The following FAR1 variants were observed in gnomAD, a reference collection of about 807,000 sequenced individuals.
FAR1 encodes the protein fatty acyl-CoA reductase 1.
In FAR1, 22 loss-of-function variants were observed where a neutral mutation model predicts 61.1. That is an observed-to-expected ratio of 0.36 (90% CI 0.26 to 0.51). The LOEUF (loss-of-function observed/expected upper bound fraction) is 0.51. Among genes scored for constraint, FAR1 ranks in the 20% least tolerant of loss-of-function variants. The pLI is 0.95. For synonymous variants in FAR1, 206 were observed against 209.7 expected (o/e 0.98, Z 0.15); for missense variants, 359 against 626.9 (o/e 0.57, Z 4.56).
At chr11:13,707,649 T>C (rs1254824550) in intron 3 of FAR1, among the ~76,000 whole-genome samples, 1 of 152,176 alleles carries the variant, frequency 6.6e-6, no homozygotes, top group Non-Finnish European at 1.5e-5. Context: ...TCCTGGACAA[T>C]TATATAATTT....
At chr11:13,681,958 G>T (rs1231015384) in intron 1 of FAR1, among the ~76,000 whole-genome samples, 3 of 152,128 alleles carry the variant, frequency 2.0e-5, no homozygotes, top group African/African-American at 7.2e-5. Context: ...CTGAGTTTGT[G>T]ACAGGATTAT....
At chr11:13,674,089 A>C (rs1334687485) in intron 1 of FAR1, among the ~76,000 whole-genome samples, 2 of 152,108 alleles carry the variant, frequency 1.3e-5, no homozygotes, top group Non-Finnish European at 1.5e-5. Context: ...AGGTGGGCGG[A>C]TCATGAGGTC....
chr11:13,702,522 C>T (rs1848387895), intron 3 of FAR1, among the ~76,000 whole-genome samples: 1 of 152,090 alleles, frequency 6.6e-6, no homozygotes, highest in Non-Finnish European at 1.5e-5. Flanking sequence ...TTGTTTTTAA[C>T]TAGCATTTCC....
At chr11:13,718,652 C>T (rs1183572661) in intron 9 of FAR1, among the ~76,000 whole-genome samples, 1 of 152,180 alleles carries the variant, frequency 6.6e-6, no homozygotes, top group Non-Finnish European at 1.5e-5. Context: ...ATCTGTTTTA[C>T]ATAACAAGTC....
At chr11:13,725,550 G>A (rs1848659967) in intron 10 of FAR1, among the ~76,000 whole-genome samples, 1 of 152,028 alleles carries the variant, frequency 6.6e-6, no homozygotes, top group Admixed American at 6.6e-5. Context: ...TTACTCAGTG[G>A]AAATGCAGAC....
chr11:13,704,562 T>G (rs1387175871), intron 3 of FAR1, among the ~76,000 whole-genome samples: 1 of 152,178 alleles, frequency 6.6e-6, no homozygotes, highest in East Asian at 1.9e-4. Flanking sequence ...CCAGAGTTCT[T>G]TTTAGCAAGA....
rs61253307 is a variant in FAR1 at position 13,708,447 on chromosome 11, G to GCACACACACACACACA, written c.545+383_545+398dup. Among the ~76,000 whole-genome samples, 48 of 136,718 alleles carry GCACACACACACACACA rather than the reference G, an allele frequency of 3.5e-4. 1 individual carries two copies. Among genetic ancestry groups the GCACACACACACACACA allele is most frequent in the African/African-American group, 1.2e-3 (43 of 36,226 alleles). 89.7% of individuals were successfully genotyped at this position (136,718 alleles called of 152,430 possible). A position where few individuals can be genotyped will look rare whatever the true frequency, so the allele number is the denominator to read the frequency against. ...CCCATATACATGTGCGCGCGCGCGC[G>GCACACACACACACACA]CACACACACACACACACACACACAC... On this transcript the variant is annotated intron_variant, in intron 4 of 11. Transcript: ENST00000354817.
At chr11:13,694,690 A>G (rs2134179936) in intron 1 of FAR1, 69 bp from the exon 2 acceptor site, 1 of 1,320,464 alleles carries the variant, frequency 7.6e-7, no homozygotes, top group East Asian at 2.4e-5. Context: ...TTGAATACCA[A>G]GAGATTTTTA....
chr11:13,673,278 C>T (rs944119010), intron 1 of FAR1, among the ~76,000 whole-genome samples: 1 of 152,090 alleles, frequency 6.6e-6, no homozygotes, highest in Non-Finnish European at 1.5e-5. Flanking sequence ...TTCACTTAGC[C>T]CATAGGGATT....
Position 13,684,196 on chromosome 11 carries a change from G to A in FAR1, c.-7-10563G>A, listed in dbSNP as rs373696294. ...AGGAAATCCATCCTGTTAGAGTCCC[G>A]TTAATTATTTGTTTCATACATAAGT... is the stretch of plus-strand genomic sequence containing the variant. On this transcript the variant is annotated intron_variant, in intron 1 of 11. Coordinates refer to ENST00000354817, the MANE Select transcript of FAR1 (RefSeq NM_032228.6). Among the ~76,000 whole-genome samples the A allele has an allele frequency of 2.0e-4, 31 of 152,192 alleles. No individual in the cohort carries two copies. In the South Asian group the frequency reaches 6.0e-3, roughly 30 times the overall value.
chr11:13,674,804 G>A (rs1374452960), intron 1 of FAR1, among the ~76,000 whole-genome samples: 1 of 152,196 alleles, frequency 6.6e-6, no homozygotes, highest in African/African-American at 2.4e-5. Flanking sequence ...CCTAAAGAAT[G>A]AAACGTGTTT....
intron 1 of FAR1, chr11:13,685,518 C>T: frequency 4.6e-6 from 1 of 217,092 alleles, no homozygotes; most frequent in Admixed American, 4.1e-5. Context: ...CAGTCTGGTT[C>T]TTCTCCAGTG....
chr11:13,672,551 A>AG (rs1428202079), intron 1 of FAR1, among the ~76,000 whole-genome samples: 3 of 151,948 alleles, frequency 2.0e-5, no homozygotes, highest in Non-Finnish European at 4.4e-5. Context: ...TCTCAAAAAA[A>AG]AAAAAAAAAG....
At chr11:13,700,613 C>G (rs1848360788) in intron 3 of FAR1, 121 bp downstream of exon 3, 1 of 592,210 alleles carries the variant, frequency 1.7e-6, no homozygotes, top group African/African-American at 2.0e-5. Context: ...CCTATGTTAA[C>G]TGTGGCTTTC....
At chr11:13,680,583 G>C (rs1015007735) in intron 1 of FAR1, among the ~76,000 whole-genome samples, 1 of 152,164 alleles carries the variant, frequency 6.6e-6, no homozygotes, top group Non-Finnish European at 1.5e-5. Flanking sequence ...CTGGTGTAAG[G>C]TGAAGGGGAG....
chr11:13,731,738 TTC>T lies in FAR1; in HGVS notation c.*2966_*2967del, dbSNP rs1848728798. 6.6e-6 allele frequency: 1 copy of T among 152,198 alleles called. No homozygotes were observed. The highest frequency in any genetic ancestry group is 2.1e-4 in the South Asian group (1 of 4,830). 9.4% of individuals were successfully genotyped at this position (152,198 alleles called of 1,614,324 possible). On this transcript the variant is annotated 3_prime_UTR_variant, in exon 12 of 12. Coordinates refer to ENST00000354817, the MANE Select transcript of FAR1 (RefSeq NM_032228.6). ...ATTACCTGGAATGAGGCAGGTTTTTTTCTGTTTTCTAAAAAGAGTAACCAAGA... is the reference window on the plus strand; with the variant it reads ...ATTACCTGGAATGAGGCAGGTTTTTTTGTTTTCTAAAAAGAGTAACCAAGA...
At chr11:13,677,786 T>C (rs980629925) in intron 1 of FAR1, among the ~76,000 whole-genome samples, 3 of 152,210 alleles carry the variant, frequency 2.0e-5, no homozygotes, top group African/African-American at 7.2e-5. Context: ...CTTGTCAAGG[T>C]ATAAGCATTT....
intron 10 of FAR1, among the ~76,000 whole-genome samples, chr11:13,725,721 GTATCT>G (rs1421616628): frequency 3.3e-5 from 5 of 152,112 alleles, no homozygotes; most frequent in African/African-American, 7.2e-5. Context: ...CAGTCATTTT[GTATCT>G]TATCTTTTAG....
In FAR1 at chr11:13,721,612, A is replaced by G; in HGVS notation, c.1128-118A>G. 1 of 692,796 alleles carries G rather than the reference A, an allele frequency of 1.4e-6. No individual in the cohort carries two copies. The allele number at this position is 692,796 out of a possible 1,614,324, so 42.9% of individuals were successfully genotyped here. A position where few individuals can be genotyped will look rare whatever the true frequency, so the allele number is the denominator to read the frequency against. On this transcript the variant is annotated intron_variant, in intron 9 of 11. Transcript: ENST00000354817. The surrounding 1 kb of genome is among the most constrained non-coding windows in gnomAD (Gnocchi z 4.2). ...CTGATTTGGTACACTTAATGATTAA[A>G]TGTTATAATTTTAATACTAATGTCT...
Sources: gnomAD v4.1 joint callset for allele counts (sites outside exome capture counted in the v4.1 genomes callset) on GRCh38, gnomAD v4.1.1 for gene constraint, Gnocchi (gnomAD v3.1) non-coding constraint, MANE v1.5 for transcripts, NCBI Gene and HGNC (gene_info 2026-07-23, HGNC 2026-07-21) for gene names.